Variants in SDK1 observed in about 807,000 individuals in gnomAD.
SDK1 encodes protein sidekick-1.
A neutral mutation model predicts 245.5 loss-of-function variants in SDK1; 157 were observed. The ratio of observed to expected loss-of-function variants is 0.64; its 90% confidence interval spans 0.56 to 0.73. The LOEUF (loss-of-function observed/expected upper bound fraction) is 0.73. Among genes scored for constraint, SDK1 ranks in the 30% least tolerant of loss-of-function variants. The probability of loss-of-function intolerance (pLI) is 0.00; values close to 1 mark genes in which losing one functional copy is unlikely to be tolerated. For missense variants in SDK1, 3,583 were observed against 3,002.3 expected (o/e 1.19, Z -4.52); for synonymous variants, 1,647 against 1,278.5 (o/e 1.29, Z -6.15).
Position 4,051,646 on chromosome 7 carries a change from A to G in SDK1, c.2727A>G (p.Ala909=), listed in dbSNP as rs1789487411. 4 of 1,610,772 alleles carry G rather than the reference A, an allele frequency of 2.5e-6. No individual in the cohort carries two copies. Among genetic ancestry groups the G allele is most frequent in the Non-Finnish European group, 3.4e-6 (4 of 1,178,686 alleles). The part of the protein sequence containing the change: ...NGINQGYKLL[A]WPADAPEAVT... ...ACCCTGTTCCATCTCAGCTTCTGGC[A>G]TGGCCGGCAGATGCCCCCGAGGCTG... is the stretch of plus-strand genomic sequence containing the variant. Residue 909 remains alanine (A), a synonymous_variant, in exon 19 of 45, where the codon GCA becomes GCG. Coordinates refer to ENST00000404826, the MANE Select transcript of SDK1 (RefSeq NM_152744.4).
At chr7:3,456,446 C>G (rs1345418418) in intron 1 of SDK1, among the ~76,000 whole-genome samples, 5 of 152,162 alleles carry the variant, frequency 3.3e-5, no homozygotes, top group Non-Finnish European at 7.3e-5. Flanking sequence ...AATTCCATTG[C>G]TCTATCTTCA....
At chr7:4,051,886 C>G in intron 19 of SDK1, 56 bp downstream of exon 19, 1 of 1,483,542 alleles carries the variant, frequency 6.7e-7, no homozygotes, top group Non-Finnish European at 9.1e-7. Context: ...GTGTATACCG[C>G]TGCAACTTCC....
chr7:4,220,323 C>CGAGA, intron 39 of SDK1, 53 bp downstream of exon 39: 1 of 1,556,398 alleles, frequency 6.4e-7, no homozygotes, highest in Non-Finnish European at 8.8e-7. Flanking sequence ...AGCCTCCCGC[C>CGAGA]TCCTGCTTCA....
chr7:3,533,698 T>C lies in SDK1; in HGVS notation c.299-85382T>C, dbSNP rs565471966. On this transcript the variant is annotated intron_variant, in intron 1 of 44. Transcript: ENST00000404826. Reference sequence around the variant, plus strand: ...TGTCTTTTATCTCTTTTAAGAACTCTTGCTAGTTTCCTGTTGAATTTGCTG... The same window carrying C: ...TGTCTTTTATCTCTTTTAAGAACTCCTGCTAGTTTCCTGTTGAATTTGCTG... Among the ~76,000 whole-genome samples the C allele has an allele frequency of 8.5e-5, 13 of 152,314 alleles. No homozygotes were observed. The East Asian group carries it at 2.3e-3, about 27-fold the overall frequency.
intron 37 of SDK1, 146 bp from the exon 38 acceptor site, chr7:4,209,879 T>C: frequency 2.6e-6 from 2 of 760,688 alleles, no homozygotes; most frequent in Non-Finnish European, 3.9e-6. Context: ...GATCAATAAA[T>C]CTTTTCATTT....
At chr7:4,224,906 C>G (rs961464662) in intron 40 of SDK1, among the ~76,000 whole-genome samples, 1 of 139,442 alleles carries the variant, frequency 7.2e-6, no homozygotes, top group African/African-American at 2.7e-5. Context: ...TTGCTTGAAC[C>G]CAGAAGGCAG....
intron 32 of SDK1, among the ~76,000 whole-genome samples, chr7:4,173,621 G>A (rs1781990197): frequency 1.3e-5 from 2 of 152,222 alleles, no homozygotes; most frequent in Admixed American, 1.3e-4. Flanking sequence ...GATGGCAAGG[G>A]TGTATTGTTT....
At chr7:3,382,645 A>T (rs947109481) in intron 1 of SDK1, among the ~76,000 whole-genome samples, 2 of 152,184 alleles carry the variant, frequency 1.3e-5, no homozygotes, top group African/African-American at 4.8e-5. Context: ...ATATGATAAT[A>T]TACTTTAAAT....
chr7:3,981,514 C>T (rs10245437), intron 13 of SDK1, among the ~76,000 whole-genome samples: 70,044 of 152,074 alleles, frequency 0.46, 17,540 homozygotes, highest in South Asian at 0.65. Flanking sequence ...CAAGACAAGA[C>T]AAAAGCCAGG....
rs558330666 is a variant in SDK1 at position 3,594,533 on chromosome 7, A to G, written c.299-24547A>G. Among the ~76,000 whole-genome samples the G allele has an allele frequency of 2.0e-5, 3 of 152,200 alleles. No homozygotes were observed. The East Asian group carries it at 5.8e-4, about 29-fold the overall frequency. On this transcript the variant is annotated intron_variant, in intron 1 of 44. Transcript: ENST00000404826. Reference sequence around the variant, plus strand: ...TAACATTTTGAGAGACCGCCAAACCATTTCCATTTTACATTGCCGCCGGTC... The same window carrying G: ...TAACATTTTGAGAGACCGCCAAACCGTTTCCATTTTACATTGCCGCCGGTC...
chr7:4,097,307 C>T (rs1162357842), intron 22 of SDK1, among the ~76,000 whole-genome samples: 1 of 114,380 alleles, frequency 8.7e-6, no homozygotes, highest in African/African-American at 4.2e-5. Context: ...GGTACAGTAA[C>T]GTCCTGTATT....
intron 1 of SDK1, among the ~76,000 whole-genome samples, chr7:3,597,095 C>T (rs1394715479): frequency 6.6e-6 from 1 of 151,852 alleles, no homozygotes; most frequent in Non-Finnish European, 1.5e-5. Flanking sequence ...ACGGTGAAAC[C>T]CTGTCTCTAC....
intron 4 of SDK1, among the ~76,000 whole-genome samples, chr7:3,655,782 C>T (rs1200134931): frequency 6.6e-6 from 1 of 151,834 alleles, no homozygotes; most frequent in Non-Finnish European, 1.5e-5. Flanking sequence ...ACTAAGTACA[C>T]TAGATCGAGA....
At chr7:4,121,453 C>T (rs903612082) in intron 25 of SDK1, among the ~76,000 whole-genome samples, 4 of 152,186 alleles carry the variant, frequency 2.6e-5, no homozygotes, top group Non-Finnish European at 4.4e-5. Context: ...GGCTCTTCCT[C>T]CTTTACTCTC....
chr7:3,468,310 G>A (rs1295304743), intron 1 of SDK1, among the ~76,000 whole-genome samples: 6 of 152,124 alleles, frequency 3.9e-5, no homozygotes, highest in African/African-American at 1.4e-4. Context: ...TATTAACTGT[G>A]TTGGGACTCA....
chr7:3,311,777 A>T (rs1174247589), intron 1 of SDK1, among the ~76,000 whole-genome samples: 3 of 152,158 alleles, frequency 2.0e-5, no homozygotes, highest in Non-Finnish European at 1.5e-5. Context: ...ACAAGAACAA[A>T]CAAGCGTTTC....
Position 3,520,685 on chromosome 7 carries a change from G to A in SDK1, c.299-98395G>A, listed in dbSNP as rs190151717. Among the ~76,000 whole-genome samples the A allele has an allele frequency of 1.1e-3, 173 of 152,234 alleles. 1 individual carries two copies. Among genetic ancestry groups the A allele is most frequent in the African/African-American group, 3.9e-3 (164 of 41,534 alleles). ...CCTTAAATAAAAACTGAAACATTAA[G>A]TCTGCCCCTTTTCTTTAATCCCTGT... On this transcript the variant is annotated intron_variant, in intron 1 of 44. Coordinates refer to ENST00000404826, the MANE Select transcript of SDK1 (RefSeq NM_152744.4).
intron 1 of SDK1, among the ~76,000 whole-genome samples, chr7:3,407,831 A>C (rs1779093657): frequency 6.6e-6 from 1 of 152,168 alleles, no homozygotes; most frequent in African/African-American, 2.4e-5. Flanking sequence ...CCTTGAAAAC[A>C]AATCATTTAA....
Position 3,821,013 on chromosome 7 carries a change from G to A in SDK1, c.714-437G>A, listed in dbSNP as rs1245012036. Among the ~76,000 whole-genome samples the A allele has an allele frequency of 9.9e-5, 15 of 151,234 alleles. 1 individual carries two copies. Among genetic ancestry groups the A allele is most frequent in the Admixed American group, 9.9e-4 (15 of 15,206 alleles). ...GTAGATATCCATACACAAAGCCTCT[G>A]ATGAGGCTCCCTCGAGGTGGAGAAA... On this transcript the variant is annotated intron_variant, in intron 4 of 44. Coordinates refer to ENST00000404826, the MANE Select transcript of SDK1 (RefSeq NM_152744.4).
Sources: allele counts gnomAD v4.1 joint callset (sites outside exome capture counted in the v4.1 genomes callset), GRCh38; gene constraint gnomAD v4.1.1; transcripts MANE v1.5; gene names NCBI Gene and HGNC (gene_info 2026-07-23, HGNC 2026-07-21).